Variants in GSE1 observed in about 807,000 individuals in gnomAD.
GSE1 encodes the protein genetic suppressor element 1.
Under a neutral mutation model 112.6 loss-of-function variants are expected in GSE1, and 32 were observed. The ratio of observed to expected loss-of-function variants is 0.28; its 90% confidence interval spans 0.21 to 0.38. The LOEUF (loss-of-function observed/expected upper bound fraction) is 0.38. GSE1 is among the 10% of genes least tolerant of loss of function. The probability of loss-of-function intolerance (pLI) is 1.00; values close to 1 mark genes in which losing one functional copy is unlikely to be tolerated. For missense variants in GSE1, 2,348 were observed against 1,699.2 expected (o/e 1.38, Z -6.71); for synonymous variants, 1,115 against 735.6 (o/e 1.52, Z -8.35).
intron 1 of GSE1, among the ~76,000 whole-genome samples, chr16:85,331,521 ATATATGTG>A (rs1372480103): frequency 1.1e-3 from 66 of 62,158 alleles, no homozygotes; most frequent in African/African-American, 1.4e-3. Flanking sequence ...ATATATGTGT[ATATATGTG>A]TATATGTGTA....
At chr16:85,606,440 C>G (rs144079800), upstream of GSE1, among the ~76,000 whole-genome samples, 694 of 152,358 alleles carry the variant, frequency 4.6e-3, 6 homozygotes, top group African/African-American at 0.016. Flanking sequence ...GTCAGGTGCC[C>G]TCACACAGCT....
chr16:85,334,909 CT>C (rs1296369928), intron 1 of GSE1, among the ~76,000 whole-genome samples: 1 of 152,188 alleles, frequency 6.6e-6, no homozygotes, highest in African/African-American at 2.4e-5. Flanking sequence ...GCTCCAACAA[CT>C]TTTATCACCA....
Position 85,373,802 on chromosome 16 carries a change from G to A in GSE1, c.2464+16159G>A, listed in dbSNP as rs2047352863. 6.6e-6 allele frequency among the ~76,000 whole-genome samples: 1 copy of A among 152,148 alleles called. No homozygotes were observed. The highest frequency in any genetic ancestry group is 1.5e-5 in the Non-Finnish European group (1 of 67,998). ...CCCTGGATCCCCGAGGCAGCCCAGG[G>A]CAGGGTGATTGTGCTCCTGCCCCAC... On this transcript the variant is annotated intron_variant, in intron 2 of 2. Coordinates refer to the GSE1 transcript ENST00000637419. This position sits in a 1 kb window ranked among gnomAD's most constrained non-coding sequence, Gnocchi z 5.1.
intron 1 of GSE1, among the ~76,000 whole-genome samples, chr16:85,626,933 T>G (rs1460859318): frequency 6.6e-6 from 1 of 151,048 alleles, no homozygotes; most frequent in Non-Finnish European, 1.5e-5. Context: ...CAGACCGGTT[T>G]GGGGTCTGTT....
intron 1 of GSE1, among the ~76,000 whole-genome samples, chr16:85,304,994 C>G (rs1026537628): frequency 1.3e-5 from 2 of 152,230 alleles, no homozygotes; most frequent in African/African-American, 4.8e-5. Flanking sequence ...CAGGCCCGCC[C>G]AACACAAGCC....
At chr16:85,501,875 G>A (rs959641649) in intron 2 of GSE1, among the ~76,000 whole-genome samples, 2 of 152,248 alleles carry the variant, frequency 1.3e-5, no homozygotes, top group African/African-American at 2.4e-5. Flanking sequence ...TTGCAGACTG[G>A]ATCTCCTTCA....
At chr16:85,440,394 G>C (rs2049348141) in intron 2 of GSE1, among the ~76,000 whole-genome samples, 1 of 152,236 alleles carries the variant, frequency 6.6e-6, no homozygotes, top group Non-Finnish European at 1.5e-5. Flanking sequence ...CCAGCTGCTG[G>C]ACTAAGCACT....
chr16:85,299,320 G>T (rs2045453159), intron 1 of GSE1, among the ~76,000 whole-genome samples: 1 of 152,244 alleles, frequency 6.6e-6, no homozygotes, highest in Admixed American at 6.5e-5. Flanking sequence ...GGGCCGGTCT[G>T]CAGGTGACAG....
intron 1 of GSE1, among the ~76,000 whole-genome samples, chr16:85,254,924 C>T (rs1261461362): frequency 1.3e-5 from 2 of 152,206 alleles, no homozygotes; most frequent in Non-Finnish European, 2.9e-5. Context: ...CCTGCTCTGC[C>T]CACCACAGTG....
At chr16:85,600,937 C>T (rs772854857) in intron 1 of GSE1, among the ~76,000 whole-genome samples, 56 of 152,096 alleles carry the variant, frequency 3.7e-4, no homozygotes, top group Non-Finnish European at 7.4e-4. Context: ...GCTCAGTGAG[C>T]GCCTGGAAGA....
At chr16:85,657,179 G>GGC (rs1308317568) in intron 7 of GSE1, 98 bp from the exon 8 acceptor site, 1 of 822,142 alleles carries the variant, frequency 1.2e-6, no homozygotes, top group African/African-American at 1.8e-5. Flanking sequence ...CCTTTGGAAG[G>GGC]GCTCTGGTTT....
At chr16:85,440,132 G>A (rs934727998) in intron 2 of GSE1, among the ~76,000 whole-genome samples, 3 of 152,246 alleles carry the variant, frequency 2.0e-5, no homozygotes, top group African/African-American at 7.2e-5. Flanking sequence ...GCTGGGTGTG[G>A]TAAATGTTTG....
intron 2 of GSE1, among the ~76,000 whole-genome samples, chr16:85,403,708 G>A (rs1378954504): frequency 6.6e-6 from 1 of 152,228 alleles, no homozygotes; most frequent in African/African-American, 2.4e-5. Context: ...AGGCTGAGAC[G>A]GGAGGATCGC....
intron 1 of GSE1, among the ~76,000 whole-genome samples, chr16:85,623,869 G>C (rs1403097160): frequency 1.3e-5 from 2 of 152,192 alleles, no homozygotes; most frequent in East Asian, 1.9e-4. Context: ...TTGAGCACCT[G>C]TTGGTGTCCA....
At chr16:85,448,690 A>AG (rs1306562241) in intron 2 of GSE1, among the ~76,000 whole-genome samples, 1 of 152,124 alleles carries the variant, frequency 6.6e-6, no homozygotes, top group African/African-American at 2.4e-5. Flanking sequence ...GGGGCGATGG[A>AG]GGGGGGCTCC....
chr16:85,256,066 T>C (rs1012677211), intron 1 of GSE1, among the ~76,000 whole-genome samples: 1 of 152,182 alleles, frequency 6.6e-6, no homozygotes, highest in Non-Finnish European at 1.5e-5. Flanking sequence ...ATATGTAAGA[T>C]GGGAGAATAA....
chr16:85,180,377 C>T (rs565358652), intron 1 of GSE1, among the ~76,000 whole-genome samples: 5 of 152,226 alleles, frequency 3.3e-5, no homozygotes, highest in South Asian at 2.1e-4. Flanking sequence ...CCACCGAGGC[C>T]ACGCTATCCT....
chr16:85,582,963 G>A (rs186664184), intron 1 of GSE1, among the ~76,000 whole-genome samples: 16 of 152,304 alleles, frequency 1.1e-4, no homozygotes, highest in Admixed American at 5.2e-4. Flanking sequence ...CTGTGGGCAC[G>A]GGGAGGGAAG....
At chr16:85,600,833 T>C (rs556212867) in intron 1 of GSE1, among the ~76,000 whole-genome samples, 1 of 152,232 alleles carries the variant, frequency 6.6e-6, no homozygotes, top group Non-Finnish European at 1.5e-5. Flanking sequence ...GGGTTTATTT[T>C]GGGGACAGGA....
Sources: allele counts gnomAD v4.1 joint callset (sites outside exome capture counted in the v4.1 genomes callset), GRCh38; gene constraint gnomAD v4.1.1; non-coding constraint Gnocchi (gnomAD v3.1); transcripts MANE v1.5; gene names NCBI Gene and HGNC (gene_info 2026-07-23, HGNC 2026-07-21).